The following UBTD1 variants were observed in gnomAD, a reference collection of about 807,000 sequenced individuals.
UBTD1 encodes the protein ubiquitin domain containing 1, also known as ubiquitin domain-containing protein 1.
Under a neutral mutation model 21.7 loss-of-function variants are expected in UBTD1, and 19 were observed. The observed-to-expected ratio is 0.87, with a 90% CI of 0.61 to 1.28. UBTD1 has a LOEUF of 1.28. UBTD1 is among the 50% of genes most tolerant of loss of function. UBTD1 has a pLI of 0.00. For missense variants in UBTD1, 282 were observed against 315.1 expected (o/e 0.89, Z 0.80); for synonymous variants, 116 against 135.1 (o/e 0.86, Z 0.98).
At chr10:97,537,426 GC>G (rs1228000823) in intron 1 of UBTD1, among the ~76,000 whole-genome samples, 1 of 152,216 alleles carries the variant, frequency 6.6e-6, no homozygotes, top group Non-Finnish European at 1.5e-5. Context: ...CCTGCACATA[GC>G]TTGGAGGATA....
chr10:97,519,121 G>A (rs1386075526), intron 1 of UBTD1, among the ~76,000 whole-genome samples: 1 of 152,240 alleles, frequency 6.6e-6, no homozygotes, highest in Admixed American at 6.5e-5. Context: ...TGAACTTCAA[G>A]TTTTCGTTTT....
chr10:97,528,147 C>G (rs560304672), intron 1 of UBTD1, among the ~76,000 whole-genome samples: 1 of 88,780 alleles, frequency 1.1e-5, no homozygotes, highest in Non-Finnish European at 2.3e-5. Flanking sequence ...ACCTCCCTCC[C>G]GGACGGGGCG....
At chr10:97,512,030 T>A (rs1248635576) in intron 1 of UBTD1, among the ~76,000 whole-genome samples, 1 of 152,184 alleles carries the variant, frequency 6.6e-6, no homozygotes, top group Non-Finnish European at 1.5e-5. Flanking sequence ...TGCCTCTCAA[T>A]ATTTACTACA....
At chr10:97,565,553 G>A (rs2040712909) in intron 1 of UBTD1, among the ~76,000 whole-genome samples, 3 of 152,126 alleles carry the variant, frequency 2.0e-5, no homozygotes, top group Admixed American at 2.0e-4. Flanking sequence ...TTGGGAGGCT[G>A]CTGGGGGAGA....
chr10:97,539,455 T>C (rs911986765), intron 1 of UBTD1, among the ~76,000 whole-genome samples: 2 of 151,698 alleles, frequency 1.3e-5, no homozygotes, highest in Admixed American at 1.3e-4. Context: ...ATTAGCTGGG[T>C]GTGGTGATGC....
intron 1 of UBTD1, among the ~76,000 whole-genome samples, chr10:97,549,506 C>T (rs1235484730): frequency 6.6e-5 from 10 of 152,254 alleles, no homozygotes; most frequent in Admixed American, 3.3e-4. Flanking sequence ...ATGTCCCAGC[C>T]TCAGGCAGAC....
In UBTD1 at chr10:97,570,135, C is replaced by T. The variant is rs1373020234; in HGVS notation, c.299-3C>T. On this transcript the variant is annotated splice_region_variant and splice_polypyrimidine_tract_variant and intron_variant, in intron 2 of 2. Coordinates refer to ENST00000370664, the MANE Select transcript of UBTD1 (RefSeq NM_024954.5). The surrounding 1 kb of genome is among the most constrained non-coding windows in gnomAD (Gnocchi z 6.6). Reference sequence around the variant, plus strand: ...GACTCTGACAGCCCTGCCTCTCCTACAGGCACCCTCTGTGAATGCTACGAT... The same window carrying T: ...GACTCTGACAGCCCTGCCTCTCCTATAGGCACCCTCTGTGAATGCTACGAT... 6 of 1,598,356 alleles carry T rather than the reference C, an allele frequency of 3.8e-6. No homozygotes were observed. The highest frequency in any genetic ancestry group is 1.3e-5 in the African/African-American group (1 of 74,688).
At chr10:97,531,237 G>GTTTTTTT in intron 1 of UBTD1, among the ~76,000 whole-genome samples, 1 of 146,794 alleles carries the variant, frequency 6.8e-6, no homozygotes, top group Non-Finnish European at 1.5e-5. Flanking sequence ...TTTTGAGATG[G>GTTTTTTT]AGTCTTGCCG....
At chr10:97,508,433 C>G (rs1310610940) in intron 1 of UBTD1, among the ~76,000 whole-genome samples, 1 of 152,184 alleles carries the variant, frequency 6.6e-6, no homozygotes, top group African/African-American at 2.4e-5. Context: ...ACATGCCTAC[C>G]TATTTTACAT....
In UBTD1 at chr10:97,568,017, G is replaced by A. The variant is rs144202501; in HGVS notation, c.174G>A (p.Ala58=). Residue 58 remains alanine, a synonymous_variant, in exon 2 of 3, where the codon GCG becomes GCA. Coordinates refer to ENST00000370664, the MANE Select transcript of UBTD1 (RefSeq NM_024954.5). ...AACGGGATGAGTTCTGGGACACAGC[G>A]CCTGCCTTCGAGGGCCGCAAGGAGA... The part of the protein sequence containing the change: ...RSKRDEFWDT[A]PAFEGRKEIW... 33 of 1,613,936 alleles carry A rather than the reference G, an allele frequency of 2.0e-5. No homozygotes were observed. The highest frequency in any genetic ancestry group is 6.7e-5 in the Admixed American group (4 of 60,004).
intron 1 of UBTD1, among the ~76,000 whole-genome samples, chr10:97,540,889 G>A (rs535715399): frequency 1.3e-5 from 2 of 152,362 alleles, no homozygotes; most frequent in Non-Finnish European, 2.9e-5. Context: ...GCCAGGCTGT[G>A]TGGGCGGCAG....
chr10:97,529,536 C>T (rs1243325901), intron 1 of UBTD1, among the ~76,000 whole-genome samples: 7 of 152,118 alleles, frequency 4.6e-5, no homozygotes, highest in Non-Finnish European at 8.8e-5. Flanking sequence ...CCGAGGCTGG[C>T]GGATCACTCG....
At chr10:97,513,229 C>T (rs2040429704) in intron 1 of UBTD1, among the ~76,000 whole-genome samples, 1 of 152,168 alleles carries the variant, frequency 6.6e-6, no homozygotes, top group Non-Finnish European at 1.5e-5. Context: ...AATGTGTGTG[C>T]ACATATTATA....
intron 1 of UBTD1, among the ~76,000 whole-genome samples, chr10:97,501,967 A>G (rs563166892): frequency 5.1e-4 from 77 of 152,274 alleles, no homozygotes; most frequent in African/African-American, 1.7e-3. Flanking sequence ...ACTCTGTATT[A>G]TTAATCATGT....
At chr10:97,560,732 T>C (rs1328972156) in intron 1 of UBTD1, among the ~76,000 whole-genome samples, 1 of 152,150 alleles carries the variant, frequency 6.6e-6, no homozygotes, top group Non-Finnish European at 1.5e-5. Context: ...AAATTCTTCC[T>C]TGAAATTTTT....
chr10:97,564,767 T>C (rs2040709681), intron 1 of UBTD1, among the ~76,000 whole-genome samples: 1 of 152,216 alleles, frequency 6.6e-6, no homozygotes, highest in Non-Finnish European at 1.5e-5. Flanking sequence ...TTTCACAGTG[T>C]TGGCCCAGCT....
intron 1 of UBTD1, among the ~76,000 whole-genome samples, chr10:97,550,173 G>A (rs1473087634): frequency 1.3e-5 from 2 of 152,228 alleles, no homozygotes; most frequent in Non-Finnish European, 2.9e-5. Flanking sequence ...ACCAGCCAGA[G>A]CAAGCCCAGA....
At chr10:97,503,945 G>C (rs1034735199) in intron 1 of UBTD1, among the ~76,000 whole-genome samples, 1 of 152,068 alleles carries the variant, frequency 6.6e-6, no homozygotes, top group East Asian at 1.9e-4. Context: ...TGTCTAAAAG[G>C]CTTCCTAGTT....
chr10:97,564,611 T>C (rs2040709118), intron 1 of UBTD1, among the ~76,000 whole-genome samples: 1 of 152,224 alleles, frequency 6.6e-6, no homozygotes, highest in Non-Finnish European at 1.5e-5. Flanking sequence ...TTACCCAGGC[T>C]GGAGTGCAGT....
Sources: allele counts gnomAD v4.1 joint callset (sites outside exome capture counted in the v4.1 genomes callset), GRCh38; gene constraint gnomAD v4.1.1; non-coding constraint Gnocchi (gnomAD v3.1); transcripts MANE v1.5; gene names NCBI Gene and HGNC (gene_info 2026-07-23, HGNC 2026-07-21).